MME: variants seen among roughly 807,000 people sequenced by gnomAD.
The protein encoded by MME is membrane metalloendopeptidase.
A neutral mutation model predicts 113.2 loss-of-function variants in MME; 98 were observed. The ratio of observed to expected loss-of-function variants is 0.87; its 90% CI spans 0.74 to 1.02. The LOEUF (loss-of-function observed/expected upper bound fraction) is 1.02, where lower values mean the gene tolerates loss of function less well. MME is among the 50% of genes least tolerant of loss of function. The pLI is 0.00. For synonymous variants in MME, 292 were observed against 300.6 expected, an observed-to-expected ratio of 0.97 and a Z score of 0.30; for missense variants, 836 against 896.0, an observed-to-expected ratio of 0.93 and a Z score of 0.86.
intron 1 of MME, among the ~76,000 whole-genome samples, chr3:155,051,927 G>C (rs28801994): frequency 2.0e-5 from 3 of 152,098 alleles, no homozygotes; most frequent in Non-Finnish European, 4.4e-5. Flanking sequence ...GAGCAAATTA[G>C]TTACTTCCTA....
chr3:155,071,807 T>TA (rs1714568376), intron 1 of MME, among the ~76,000 whole-genome samples: 1 of 152,232 alleles, frequency 6.6e-6, no homozygotes, highest in Non-Finnish European at 1.5e-5. Flanking sequence ...CTATGGATTT[T>TA]ACCTCAAAAA....
At position 155,127,444 on chromosome 3, in the gene MME, G is replaced by T. The variant is rs1719778756; in HGVS notation, c.720+8633G>T. On this transcript the variant is annotated intron_variant, in intron 8 of 22. Transcript: ENST00000360490. ...ACAAATAGTTAACCTTTATGTAAAT[G>T]GCGCAGAACTTGCATACATTCCGTT... is the stretch of plus-strand genomic sequence containing the variant. 1.3e-5 allele frequency among the ~76,000 whole-genome samples: 2 copies of T among 152,204 alleles called. 1 individual carries two copies. The highest frequency in any genetic ancestry group is 4.1e-4 in the South Asian group (2 of 4,836).
At chr3:155,093,520 A>C (rs1357894399) in intron 3 of MME, among the ~76,000 whole-genome samples, 1 of 152,158 alleles carries the variant, frequency 6.6e-6, no homozygotes, top group Non-Finnish European at 1.5e-5. Context: ...GGTTTTTCAC[A>C]CAGGTGCTGC....
At chr3:155,145,752 A>C in intron 14 of MME, among the ~76,000 whole-genome samples, 1 of 152,158 alleles carries the variant, frequency 6.6e-6, no homozygotes, top group Non-Finnish European at 1.5e-5. Context: ...AATTCACAAT[A>C]ATTTTTTTGT....
At chr3:155,147,404 C>T (rs1480878696) in intron 15 of MME, among the ~76,000 whole-genome samples, 180 bp downstream of exon 15, 2 of 152,066 alleles carry the variant, frequency 1.3e-5, no homozygotes, top group Admixed American at 1.3e-4. Flanking sequence ...TTTCATTAGC[C>T]AGGACTATAT....
At chr3:155,148,348 A>G (rs1323956745) in intron 15 of MME, among the ~76,000 whole-genome samples, 1 of 152,114 alleles carries the variant, frequency 6.6e-6, no homozygotes, top group East Asian at 1.9e-4. Flanking sequence ...AATACACTGA[A>G]TTTGTGATTT....
chr3:155,095,938 C>T (rs1275526916), intron 3 of MME, among the ~76,000 whole-genome samples: 1 of 152,082 alleles, frequency 6.6e-6, no homozygotes, highest in African/African-American at 2.4e-5. Flanking sequence ...AGCAATGAGG[C>T]CGGGAAAGCA....
chr3:155,175,264 G>T (rs1213238836), intron 22 of MME, among the ~76,000 whole-genome samples: 1 of 151,498 alleles, frequency 6.6e-6, no homozygotes, highest in Non-Finnish European at 1.5e-5. Context: ...TTTTTATTAG[G>T]GTTTTTCTGT....
chr3:155,133,207 G>A (rs148229361), intron 8 of MME, among the ~76,000 whole-genome samples: 94 of 151,480 alleles, frequency 6.2e-4, no homozygotes, highest in African/African-American at 2.1e-3. Context: ...ATTTAGCACG[G>A]CAGTAACCTT....
intron 17 of MME, among the ~76,000 whole-genome samples, chr3:155,163,638 C>T (rs879601847): frequency 5.3e-5 from 8 of 152,112 alleles, no homozygotes; most frequent in Non-Finnish European, 1.2e-4. Flanking sequence ...GTGTATTCTC[C>T]TTTTTCATTA....
At chr3:155,116,380 C>T in intron 4 of MME, 99 bp from the exon 5 acceptor site, 2 of 897,496 alleles carry the variant, frequency 2.2e-6, no homozygotes, top group Non-Finnish European at 3.7e-6. Context: ...TTTAACTGAA[C>T]CCACTTTGCA....
At chr3:155,113,961 G>C (rs924819221) in intron 3 of MME, among the ~76,000 whole-genome samples, 5 of 152,226 alleles carry the variant, frequency 3.3e-5, no homozygotes, top group Middle Eastern at 3.4e-3. Context: ...GGTTCAATGG[G>C]GGGGCTTGAG....
intron 9 of MME, among the ~76,000 whole-genome samples, chr3:155,139,491 A>G (rs1720887896): frequency 6.6e-6 from 1 of 152,206 alleles, no homozygotes; most frequent in Non-Finnish European, 1.5e-5. Context: ...AATAATTCCA[A>G]TTTTAAACCT....
intron 1 of MME, among the ~76,000 whole-genome samples, chr3:155,025,600 G>T (rs1712752292): frequency 6.8e-6 from 1 of 148,040 alleles, no homozygotes; most frequent in Non-Finnish European, 1.5e-5. Flanking sequence ...CTCCAGCCTG[G>T]GAGACAGAGC....
chr3:155,153,435 T>C (rs867658362), intron 16 of MME, among the ~76,000 whole-genome samples: 1 of 152,188 alleles, frequency 6.6e-6, no homozygotes, highest in Non-Finnish European at 1.5e-5. Flanking sequence ...ATAGAAATAG[T>C]GCTGAATCGG....
At position 155,116,998 on chromosome 3, in the gene MME, T is replaced by G. The variant is rs1210030550; in HGVS notation, c.654+12T>G. ...ATCATGTAATTCATGTAAGTTTGTG[T>G]GTCAAATAACTAAAGTTACCTTTAA... is the stretch of plus-strand genomic sequence containing the variant. On this transcript the variant is annotated intron_variant, in intron 7 of 22. Transcript: ENST00000360490. 7.1e-7 allele frequency: 1 copy of G among 1,399,096 alleles called. No individual in the cohort carries two copies. The highest frequency in any genetic ancestry group is 1.7e-5 in the Admixed American group (1 of 59,620). 86.7% of individuals were successfully genotyped at this position (1,399,096 alleles called of 1,614,324 possible).
In MME at chr3:155,036,644, T is replaced by C. The variant is rs376681058; in HGVS notation, c.-11+12320T>C. ...ATTTTTTATTATTGAGTTGTAAGAGTTCTTTCTATATCCTGATATTACTCC... is the reference window on the plus strand; with the variant it reads ...ATTTTTTATTATTGAGTTGTAAGAGCTCTTTCTATATCCTGATATTACTCC... On this transcript the variant is annotated intron_variant, in intron 1 of 22. Coordinates refer to the MME transcript ENST00000492661. Among the ~76,000 whole-genome samples the C allele has an allele frequency of 1.4e-4, 22 of 152,244 alleles. 4 individuals carry two copies. The East Asian group carries it at 1.9e-3, about 13-fold the overall frequency.
chr3:155,142,355 T>G, intron 12 of MME, 25 bp downstream of exon 12: 1 of 1,569,050 alleles, frequency 6.4e-7, no homozygotes, highest in Non-Finnish European at 8.8e-7. Context: ...TCTCTTTTCT[T>G]AAGACTTAAA....
At chr3:155,094,742 T>C (rs3773902) in intron 3 of MME, among the ~76,000 whole-genome samples, 44,779 of 152,090 alleles carry the variant, frequency 0.29, 7,635 homozygotes, top group Non-Finnish European at 0.4. Context: ...TGAATCTGTG[T>C]TTCCTGTAAA....
Sources: gnomAD v4.1 joint callset for allele counts (sites outside exome capture counted in the v4.1 genomes callset) on GRCh38, gnomAD v4.1.1 for gene constraint, MANE v1.5 for transcripts, NCBI Gene and HGNC (gene_info 2026-07-23, HGNC 2026-07-21) for gene names.